The following GREB1L variants were observed in gnomAD, a reference collection of about 807,000 sequenced individuals.
The protein encoded by GREB1L is GREB1-like protein.
A neutral mutation model predicts 200.8 loss-of-function variants in GREB1L; 17 were observed. The observed-to-expected ratio is 0.08, with a 90% CI of 0.06 to 0.13. GREB1L has a LOEUF of 0.13. Ranked by LOEUF, GREB1L falls within the 10% of genes least tolerant of loss-of-function variation. The pLI, the probability that GREB1L is intolerant of heterozygous loss-of-function variation, is 1.00. For missense variants in GREB1L, 1,657 were observed against 2,367.7 expected (o/e 0.70, Z 6.23); for synonymous variants, 789 against 893.0 (o/e 0.88, Z 2.08).
At chr18:21,296,050 A>G (rs985062326) in intron 1 of GREB1L, among the ~76,000 whole-genome samples, 1 of 152,214 alleles carries the variant, frequency 6.6e-6, no homozygotes, top group African/African-American at 2.4e-5. Context: ...TAGAACTACA[A>G]TTTGACCTAG....
At chr18:21,468,923 C>A in intron 15 of GREB1L, 1 of 391,534 alleles carries the variant, frequency 2.6e-6, no homozygotes, top group South Asian at 1.9e-5. Flanking sequence ...AAAAGTGATA[C>A]TGTGTCCTCA....
At chr18:21,502,539 C>G (rs1383511445) in intron 23 of GREB1L, among the ~76,000 whole-genome samples, 3 of 152,212 alleles carry the variant, frequency 2.0e-5, no homozygotes, top group African/African-American at 7.2e-5. Context: ...TAGGTAAAAT[C>G]AGCCATATTT....
At chr18:21,455,586 G>A (rs2034720651) in intron 15 of GREB1L, among the ~76,000 whole-genome samples, 1 of 151,934 alleles carries the variant, frequency 6.6e-6, no homozygotes, top group Non-Finnish European at 1.5e-5. Flanking sequence ...GGGAGGCTGA[G>A]GCAGGAGAAT....
intron 7 of GREB1L, among the ~76,000 whole-genome samples, chr18:21,417,563 G>A (rs2031760846): frequency 6.6e-6 from 1 of 151,846 alleles, no homozygotes; most frequent in African/African-American, 2.4e-5. Context: ...ATGAAATAAA[G>A]ACACTTTAAG....
At chr18:21,365,467 A>C (rs1463748287) in intron 1 of GREB1L, among the ~76,000 whole-genome samples, 1 of 152,180 alleles carries the variant, frequency 6.6e-6, no homozygotes, top group East Asian at 1.9e-4. Flanking sequence ...ATAATTATTT[A>C]GTTTAATATC....
At chr18:21,519,315 T>C (rs987915255) in intron 31 of GREB1L, among the ~76,000 whole-genome samples, 14 of 151,986 alleles carry the variant, frequency 9.2e-5, no homozygotes, top group African/African-American at 3.4e-4. Context: ...TAAAAATAAT[T>C]AGCCAGGTGT....
chr18:21,325,424 T>C (rs568828849), intron 1 of GREB1L, among the ~76,000 whole-genome samples: 2 of 152,166 alleles, frequency 1.3e-5, no homozygotes, highest in Non-Finnish European at 2.9e-5. Context: ...AATGAAATAA[T>C]GGCCACACTG....
At chr18:21,306,253 TG>T (rs1451637746) in intron 1 of GREB1L, among the ~76,000 whole-genome samples, 1 of 152,168 alleles carries the variant, frequency 6.6e-6, no homozygotes, top group African/African-American at 2.4e-5. Flanking sequence ...ATGAGAATAT[TG>T]AGGCCCATGA....
At chr18:21,299,662 G>A (rs1388563770) in intron 1 of GREB1L, among the ~76,000 whole-genome samples, 16 of 151,924 alleles carry the variant, frequency 1.1e-4, no homozygotes, top group African/African-American at 2.4e-4. Context: ...TGTTTAAACC[G>A]TTAGATTGTA....
At chr18:21,421,564 A>G (rs1394073371) in intron 7 of GREB1L, among the ~76,000 whole-genome samples, 6 of 152,224 alleles carry the variant, frequency 3.9e-5, no homozygotes, top group African/African-American at 1.2e-4. Context: ...CAGGCATCAA[A>G]GGCAAAAGGA....
chr18:21,245,891 G>A (rs1385673822), intron 1 of GREB1L, among the ~76,000 whole-genome samples: 2 of 151,920 alleles, frequency 1.3e-5, no homozygotes. Context: ...CTAATTTTTT[G>A]TATTTTTAGT....
At chr18:21,306,148 T>C (rs73959832) in intron 1 of GREB1L, among the ~76,000 whole-genome samples, 1,725 of 152,316 alleles carry the variant, frequency 0.011, 39 homozygotes, top group African/African-American at 0.039. Context: ...GGTGGGGACC[T>C]TGTCTGTCTT....
rs889937913 is a variant in GREB1L, at chr18:21,523,408, CTT to C, written c.*590_*591del. 4 of 152,170 alleles carry C rather than the reference CTT, an allele frequency of 2.6e-5. No homozygotes were observed. The highest frequency in any genetic ancestry group is 9.7e-5 in the African/African-American group (4 of 41,434). The allele number at this position is 152,170 out of a possible 1,614,324, so 9.4% of individuals were successfully genotyped here. On this transcript the variant is annotated 3_prime_UTR_variant, in exon 33 of 33. Coordinates refer to ENST00000424526, the MANE Select transcript of GREB1L (RefSeq NM_001142966.3). ...ATTTATAATCTTCTATGTATTGAAA[CTT>C]TTGGCAAAATTTCCACAGGAGTTAG...
At chr18:21,355,426 T>C (rs1486126674) in intron 1 of GREB1L, among the ~76,000 whole-genome samples, 2 of 152,144 alleles carry the variant, frequency 1.3e-5, no homozygotes, top group Non-Finnish European at 2.9e-5. Flanking sequence ...ACTCCTGACC[T>C]CGTGATCCAC....
At chr18:21,405,570 G>A (rs150136852) in intron 7 of GREB1L, among the ~76,000 whole-genome samples, 1,604 of 152,194 alleles carry the variant, frequency 0.011, 33 homozygotes, top group African/African-American at 0.036. Context: ...GGAGGCTGGG[G>A]TGAGCAGATC....
At chr18:21,457,257 T>C (rs1303974003) in intron 15 of GREB1L, among the ~76,000 whole-genome samples, 1 of 151,008 alleles carries the variant, frequency 6.6e-6, no homozygotes, top group Non-Finnish European at 1.5e-5. Context: ...TGACCAATTA[T>C]GTAAGCTTAG....
chr18:21,413,508 T>C (rs549020684), intron 7 of GREB1L, among the ~76,000 whole-genome samples: 1 of 152,320 alleles, frequency 6.6e-6, no homozygotes, highest in Admixed American at 6.5e-5. Flanking sequence ...TTTCCAAATA[T>C]GGTGGGAACC....
At chr18:21,365,207 T>A (rs1249540196) in intron 1 of GREB1L, among the ~76,000 whole-genome samples, 1 of 152,132 alleles carries the variant, frequency 6.6e-6, no homozygotes, top group Non-Finnish European at 1.5e-5. Context: ...AATATTTTAG[T>A]TATATAGATA....
At chr18:21,328,447 C>T (rs1598662367) in intron 1 of GREB1L, among the ~76,000 whole-genome samples, 1 of 152,324 alleles carries the variant, frequency 6.6e-6, no homozygotes, top group South Asian at 2.1e-4. Flanking sequence ...CTGCATGAAG[C>T]AGAATTAGGC....
Sources: allele counts gnomAD v4.1 joint callset (sites outside exome capture counted in the v4.1 genomes callset), GRCh38; gene constraint gnomAD v4.1.1; transcripts MANE v1.5; gene names NCBI Gene and HGNC (gene_info 2026-07-23, HGNC 2026-07-21).